MAGOHB: variants seen among roughly 807,000 people sequenced by gnomAD.
The protein encoded by MAGOHB is protein mago nashi homolog 2.
MAGOHB carries 15 observed loss-of-function variants against 20.9 expected under a neutral mutation model. That is an observed-to-expected ratio of 0.72 (90% CI 0.48 to 1.11). MAGOHB has a LOEUF of 1.11. Among genes scored for constraint, MAGOHB ranks in the 50% least tolerant of loss-of-function variants. The probability of loss-of-function intolerance (pLI) is 0.00; values close to 1 mark genes in which losing one functional copy is unlikely to be tolerated. For missense variants in MAGOHB, 162 were observed against 177.6 expected (o/e 0.91, Z 0.50); for synonymous variants, 50 against 57.9 (o/e 0.86, Z 0.62).
chr12:10,613,487 T>A lies in MAGOHB; in HGVS notation c.46A>T (p.Lys16Ter). 6.2e-7 allele frequency: 1 copy of A among 1,614,134 alleles called. No individual in the cohort carries two copies. The highest frequency in any genetic ancestry group is 8.5e-7 in the Non-Finnish European group (1 of 1,180,012). ...DFYLRYYVGH[K>*]GKFGHEFLEF... ...AGAAACTCGTGCCCAAACTTGCCCTTGTGCCCTACGTAGTAGCGCAGGTAG... is the reference window on the plus strand; with the variant it reads ...AGAAACTCGTGCCCAAACTTGCCCTAGTGCCCTACGTAGTAGCGCAGGTAG... The change falls in exon 1 of 5, where the codon AAG becomes TAG. Residue 16 changes from lysine to a stop codon, truncating the protein, a stop_gained. Coordinates refer to ENST00000320756, the MANE Select transcript of MAGOHB (RefSeq NM_018048.5). LOFTEE classifies it high-confidence loss of function.
At chr12:10,613,293 T>C (rs920934949) in intron 1 of MAGOHB, 146 bp downstream of exon 1, 22 of 716,194 alleles carry the variant, frequency 3.1e-5, no homozygotes, top group African/African-American at 1.2e-4. Context: ...CTTTCATTTA[T>C]AAAACCAACT....
Position 10,605,699 on chromosome 12 carries a change from A to G in MAGOHB, c.*576T>C, listed in dbSNP as rs557154001. 1 of 152,316 alleles carries G rather than the reference A, an allele frequency of 6.6e-6. No individual in the cohort carries two copies. The highest frequency in any genetic ancestry group is 6.5e-5 in the Admixed American group (1 of 15,288). 9.4% of individuals were successfully genotyped at this position (152,316 alleles called of 1,614,324 possible). ...CAAAGATATGCCTAACATGGGGTAG[A>G]CTGTACTCTTGTAACACTTTAGGAC... On this transcript the variant is annotated 3_prime_UTR_variant, in exon 5 of 5. Coordinates refer to ENST00000320756, the MANE Select transcript of MAGOHB (RefSeq NM_018048.5).
rs575012486 is a variant in MAGOHB at position 10,606,892 on chromosome 12, T to C, written c.348-518A>G. ...GCATCTTCATGCATAATAAAGCTTT[T>C]CCAATATTTAGGAATAGTTCCATAG... is the stretch of plus-strand genomic sequence containing the variant. On this transcript the variant is annotated intron_variant, in intron 4 of 4. Coordinates refer to ENST00000320756, the MANE Select transcript of MAGOHB (RefSeq NM_018048.5). Among the ~76,000 whole-genome samples, 4 of 152,226 alleles carry C rather than the reference T, an allele frequency of 2.6e-5. No individual in the cohort carries two copies. The South Asian group carries it at 8.3e-4, about 32-fold the overall frequency.
In MAGOHB at chr12:10,606,211, G is replaced by A. The variant is rs1261736130; in HGVS notation, c.*64C>T. On this transcript the variant is annotated 3_prime_UTR_variant, in exon 5 of 5. Coordinates refer to ENST00000320756, the MANE Select transcript of MAGOHB (RefSeq NM_018048.5). ...TCACATTCATAAAAACCCCAATACT[G>A]TAAATGACAAATAACCCCTCCCATC... is the stretch of plus-strand genomic sequence containing the variant. The A allele has an allele frequency of 2.3e-5, 21 of 899,750 alleles. No homozygotes were observed. The highest frequency in any genetic ancestry group is 2.7e-5 in the Non-Finnish European group (16 of 595,338). 55.7% of individuals were successfully genotyped at this position (899,750 alleles called of 1,614,324 possible). A position where few individuals can be genotyped will look rare whatever the true frequency, so the allele number is the denominator to read the frequency against.
chr12:10,611,378 C>T (rs1229008999), intron 1 of MAGOHB, among the ~76,000 whole-genome samples: 3 of 152,062 alleles, frequency 2.0e-5, no homozygotes, highest in African/African-American at 4.8e-5. Context: ...GTATGCTTCC[C>T]CTTATGGCTA....
At chr12:10,603,335 AAT>A (rs1865572804), downstream of MAGOHB, among the ~76,000 whole-genome samples, 1 of 150,404 alleles carries the variant, frequency 6.6e-6, no homozygotes, top group African/African-American at 2.5e-5. Flanking sequence ...AAAAAAAAAA[AAT>A]CTCTAGCTTG....
chr12:10,603,418 A>T (rs1320056340), downstream of MAGOHB, among the ~76,000 whole-genome samples: 1 of 152,086 alleles, frequency 6.6e-6, no homozygotes, highest in Non-Finnish European at 1.5e-5. Context: ...CAAATGCTCT[A>T]AGTTTAACAT....
At chr12:10,608,371 T>C (rs959699773) in intron 3 of MAGOHB, 2 of 155,244 alleles carry the variant, frequency 1.3e-5, no homozygotes, top group African/African-American at 2.4e-5. Flanking sequence ...ACCACCACTT[T>C]AGCACCTACT....
At chr12:10,610,316 T>C (rs1390047952) in intron 2 of MAGOHB, among the ~76,000 whole-genome samples, 1 of 152,114 alleles carries the variant, frequency 6.6e-6, no homozygotes, top group African/African-American at 2.4e-5. Context: ...GAGGCAGAGG[T>C]TGCAGTGAGC....
chr12:10,610,787 T>C lies in MAGOHB; in HGVS notation c.95-107A>G, dbSNP rs1865719243. ...GACCATTTTATACTACTATTTTTAT[T>C]AATATTTCCTCCCTCCTTGTGTAAG... On this transcript the variant is annotated intron_variant, in intron 1 of 4. Coordinates refer to ENST00000320756, the MANE Select transcript of MAGOHB (RefSeq NM_018048.5). 3 of 1,000,164 alleles carry C rather than the reference T, an allele frequency of 3.0e-6. No individual in the cohort carries two copies. In the African/African-American group the frequency reaches 5.1e-5, roughly 17 times the overall value. The allele number at this position is 1,000,164 out of a possible 1,614,324, so 62.0% of individuals were successfully genotyped here. A position where few individuals can be genotyped will look rare whatever the true frequency, so the allele number is the denominator to read the frequency against.
At position 10,606,073 on chromosome 12, in the gene MAGOHB, A is replaced by G. The variant is rs2120505548; in HGVS notation, c.*202T>C. ...ACAAAAGGTGGCTTTCATTTACAGA[A>G]TTTAATGTGTGTGGGGACTGTCCAA... On this transcript the variant is annotated 3_prime_UTR_variant, in exon 5 of 5. Coordinates refer to ENST00000320756, the MANE Select transcript of MAGOHB (RefSeq NM_018048.5). The G allele has an allele frequency of 2.9e-6, 1 of 342,978 alleles. No individual in the cohort carries two copies. Among genetic ancestry groups the G allele is most frequent in the East Asian group, 4.6e-5 (1 of 21,652 alleles). The allele number at this position is 342,978 out of a possible 1,614,324, so 21.2% of individuals were successfully genotyped here. A position where few individuals can be genotyped will look rare whatever the true frequency, so the allele number is the denominator to read the frequency against.
downstream of MAGOHB, among the ~76,000 whole-genome samples, chr12:10,602,079 G>A (rs368625870): frequency 3.3e-5 from 5 of 152,294 alleles, no homozygotes; most frequent in East Asian, 5.8e-4. Flanking sequence ...TTATGTTGAG[G>A]CATGTTTCTG....
chr12:10,602,098 T>C (rs1254593829), downstream of MAGOHB, among the ~76,000 whole-genome samples: 2 of 152,234 alleles, frequency 1.3e-5, no homozygotes, highest in African/African-American at 4.8e-5. Flanking sequence ...TGTTTTGATT[T>C]ACATCCACAT....
At chr12:10,607,771 A>C in intron 4 of MAGOHB, 83 bp downstream of exon 4, 1 of 756,688 alleles carries the variant, frequency 1.3e-6, no homozygotes. Context: ...CACTGAAATT[A>C]TCTTGGCTAG....
intron 2 of MAGOHB, 25 bp downstream of exon 2, chr12:10,610,597 A>T: frequency 7.3e-7 from 1 of 1,374,498 alleles, no homozygotes. Context: ...AAAAAAAAAA[A>T]AAAAGACATT....
rs139454732 is a variant in MAGOHB, at chr12:10,609,529, T to C, written c.264+302A>G. On this transcript the variant is annotated intron_variant, in intron 3 of 4. Coordinates refer to ENST00000320756, the MANE Select transcript of MAGOHB (RefSeq NM_018048.5). ...AAATTTTACATAGTCATATTCTTAATAAAAGTGATTAACACACAACAGAAA... is the reference window on the plus strand; with the variant it reads ...AAATTTTACATAGTCATATTCTTAACAAAAGTGATTAACACACAACAGAAA... The C allele has an allele frequency of 4.0e-3, 1,610 of 402,516 alleles. 10 individuals are homozygous for C. Among genetic ancestry groups the C allele is most frequent in the Non-Finnish European group, 3.9e-3 (837 of 214,740 alleles). The allele number at this position is 402,516 out of a possible 1,614,324, so 24.9% of individuals were successfully genotyped here.
intron 2 of MAGOHB, 42 bp downstream of exon 2, chr12:10,610,577 CAAA>C (rs541042923): frequency 0.028 from 19,585 of 710,560 alleles, 12 homozygotes; most frequent in African/African-American, 0.074. Context: ...GGGCTAAATG[CAAA>C]AAAAAAAAAA....
intron 1 of MAGOHB, 120 bp from the exon 2 acceptor site, chr12:10,610,800 C>T (rs547734629): frequency 4.2e-6 from 4 of 945,494 alleles, no homozygotes; most frequent in East Asian, 6.3e-5. Context: ...TATTTCCTCC[C>T]TCCTTGTGTA....
At chr12:10,612,242 TAACA>T (rs879501711) in intron 1 of MAGOHB, among the ~76,000 whole-genome samples, 116 of 138,416 alleles carry the variant, frequency 8.4e-4, no homozygotes, top group Middle Eastern at 7.4e-3. Flanking sequence ...TAACATAACA[TAACA>T]TAATTAGCTG....
Sources: allele counts gnomAD v4.1 joint callset (sites outside exome capture counted in the v4.1 genomes callset), GRCh38; gene constraint gnomAD v4.1.1; transcripts MANE v1.5; gene names NCBI Gene and HGNC (gene_info 2026-07-23, HGNC 2026-07-21).